Variants in CDH17 observed in about 807,000 individuals in gnomAD.
CDH17 encodes cadherin 17, also known as cadherin-17.
CDH17 carries 67 observed loss-of-function variants against 86.3 expected under a neutral mutation model. The observed-to-expected ratio is 0.78, with a 90% CI of 0.64 to 0.95. CDH17 has a LOEUF of 0.95. CDH17 is among the 40% of genes least tolerant of loss of function. The pLI is 0.00. For missense variants in CDH17, 993 were observed against 1,017.6 expected (o/e 0.98, Z 0.33); for synonymous variants, 367 against 366.4 (o/e 1.00, Z -0.02).
chr8:94,148,942 GCGT>G (rs771192264), intron 13 of CDH17, 68 bp from the exon 14 acceptor site: 196 of 1,399,612 alleles, frequency 1.4e-4, no homozygotes, highest in Non-Finnish European at 5.1e-5. Flanking sequence ...GCTAGTTTGT[GCGT>G]CAACTAAATA....
At position 94,160,176 on chromosome 8, in the gene CDH17, G is replaced by T; in HGVS notation, c.1360-14C>A. The T allele has an allele frequency of 6.3e-7, 1 of 1,592,968 alleles. No individual in the cohort carries two copies. Among genetic ancestry groups the T allele is most frequent in the South Asian group, 1.1e-5 (1 of 87,088 alleles). On this transcript the variant is annotated splice_polypyrimidine_tract_variant and intron_variant, in intron 11 of 17. Coordinates refer to ENST00000027335, the MANE Select transcript of CDH17 (RefSeq NM_004063.4). ...CAGGTTTCCATACTAAGGAGAAAAT[G>T]GAGAAGGAAACAATGAGAAGGTCTG...
chr8:94,156,251 A>G (rs1812946834), intron 12 of CDH17, among the ~76,000 whole-genome samples: 1 of 152,196 alleles, frequency 6.6e-6, no homozygotes, highest in African/African-American at 2.4e-5. Flanking sequence ...GATATTTACA[A>G]TTTTCACTAG....
At chr8:94,171,915 A>C (rs1242084470) in intron 7 of CDH17, among the ~76,000 whole-genome samples, 1 of 151,782 alleles carries the variant, frequency 6.6e-6, no homozygotes, top group Non-Finnish European at 1.5e-5. Flanking sequence ...TCTTGGTTCT[A>C]AAGTGGGCTC....
chr8:94,197,636 G>A (rs1813809683), intron 1 of CDH17, among the ~76,000 whole-genome samples: 1 of 151,960 alleles, frequency 6.6e-6, no homozygotes, highest in Non-Finnish European at 1.5e-5. Context: ...TTCGAGACAA[G>A]CCTGGTCAAC....
At chr8:94,146,416 A>C (rs979142551) in intron 14 of CDH17, among the ~76,000 whole-genome samples, 1 of 152,260 alleles carries the variant, frequency 6.6e-6, no homozygotes, top group Non-Finnish European at 1.5e-5. Context: ...AACTGAGCTC[A>C]GAAGTTGTGT....
At chr8:94,131,973 C>G (rs558013517) in intron 15 of CDH17, among the ~76,000 whole-genome samples, 182 of 152,214 alleles carry the variant, frequency 1.2e-3, no homozygotes, top group Non-Finnish European at 2.1e-3. Context: ...TGATGGTTTC[C>G]AGCTTCATCC....
At chr8:94,175,884 G>A (rs966098906) in intron 5 of CDH17, among the ~76,000 whole-genome samples, 19 of 152,118 alleles carry the variant, frequency 1.2e-4, no homozygotes, top group Non-Finnish European at 1.5e-4. Flanking sequence ...CTAGAAAAGC[G>A]TTTTTCAACT....
intron 10 of CDH17, among the ~76,000 whole-genome samples, chr8:94,163,879 C>T (rs1813105694): frequency 6.6e-6 from 1 of 152,188 alleles, no homozygotes; most frequent in Admixed American, 6.5e-5. Context: ...TGGCTCACTG[C>T]TCTGCACACA....
intron 5 of CDH17, among the ~76,000 whole-genome samples, chr8:94,175,460 G>T: frequency 6.6e-6 from 1 of 151,744 alleles, no homozygotes; most frequent in Non-Finnish European, 1.5e-5. Flanking sequence ...CTTGATGGTG[G>T]GATGATGCAA....
At chr8:94,175,940 G>C (rs954298225) in intron 5 of CDH17, among the ~76,000 whole-genome samples, 1 of 152,132 alleles carries the variant, frequency 6.6e-6, no homozygotes, top group Admixed American at 6.5e-5. Flanking sequence ...CCCAGACCGA[G>C]TGCAATAGTG....
At chr8:94,175,692 G>A (rs988456368) in intron 5 of CDH17, among the ~76,000 whole-genome samples, 1 of 152,026 alleles carries the variant, frequency 6.6e-6, no homozygotes, top group Non-Finnish European at 1.5e-5. Flanking sequence ...GGGCTTTTGT[G>A]GAAGTGAAAG....
Position 94,149,560 on chromosome 8 carries a change from CAAG to C in CDH17, c.1797-689_1797-687del, listed in dbSNP as rs144155147. ...TTTCTGAAGTAGTAGATGTTTAAGG[CAAG>C]AAGAAGACGCTTCAAGTAGAAGGAA... On this transcript the variant is annotated intron_variant, in intron 13 of 17. Coordinates refer to ENST00000027335, the MANE Select transcript of CDH17 (RefSeq NM_004063.4). 7.9e-3 allele frequency among the ~76,000 whole-genome samples: 1,200 copies of C among 152,136 alleles called. 15 individuals are homozygous for C. Among genetic ancestry groups the C allele is most frequent in the African/African-American group, 0.025 (1,042 of 41,496 alleles).
intron 8 of CDH17, 38 bp from the exon 9 acceptor site, chr8:94,170,585 C>T: frequency 6.3e-7 from 1 of 1,597,300 alleles, no homozygotes; most frequent in South Asian, 1.1e-5. Context: ...AAGACTCACC[C>T]ACCACCCTCT....
At chr8:94,170,180 G>C (rs991807627) in intron 9 of CDH17, among the ~76,000 whole-genome samples, 1 of 152,090 alleles carries the variant, frequency 6.6e-6, no homozygotes, top group South Asian at 2.1e-4. Context: ...TGGTAGTAGC[G>C]GTAATGGTAG....
At position 94,165,810 on chromosome 8, in the gene CDH17, C is replaced by T. The variant is rs1252670752; in HGVS notation, c.1233G>A (p.Lys411=). 1 of 1,613,978 alleles carries T rather than the reference C, an allele frequency of 6.2e-7. No homozygotes were observed. The highest frequency in any genetic ancestry group is 1.1e-5 in the South Asian group (1 of 91,084). The change falls in exon 10 of 18, where the codon AAG becomes AAA. Residue 411 remains lysine, a synonymous_variant. Transcript: ENST00000027335. The part of the protein sequence containing the change: ...GMLQLAKQSL[K]KQDTPQYNLT... The stretch of plus-strand genomic sequence containing the variant: ...AGTTGTACTGAGGAGTATCTTGCTT[C>T]TTCAAGGACTGTTTAGCTAACTGTA...
intron 15 of CDH17, among the ~76,000 whole-genome samples, chr8:94,131,365 A>C (rs898191657): frequency 6.6e-6 from 1 of 152,202 alleles, no homozygotes; most frequent in African/African-American, 2.4e-5. Context: ...CCAACTGATC[A>C]ATACATAACC....
At position 94,170,469 on chromosome 8, in the gene CDH17, C is replaced by A. The variant is rs1230002025; in HGVS notation, c.994G>T (p.Asp332Tyr). ...YPLEIHVKVK[D>Y]INDNPPTCPS... is the part of the protein sequence containing the mutation. ...CATGTAGGTGGATTATCATTAATAT[C>A]TTTAACTTTTACATGAATTTCCAGC... is the stretch of plus-strand genomic sequence containing the variant. The change falls in exon 9 of 18, where the codon GAT (aspartate) becomes TAT (tyrosine). Residue 332 changes from aspartate to tyrosine, a missense_variant. Physicochemically the swap from Asp to Tyr is radical, Grantham distance 160 (BLOSUM62 -3). Transcript: ENST00000027335. The A allele has an allele frequency of 3.7e-6, 6 of 1,613,000 alleles. No individual in the cohort carries two copies. The highest frequency in any genetic ancestry group is 1.3e-5 in the African/African-American group (1 of 74,868).
intron 8 of CDH17, 40 bp from the exon 9 acceptor site, chr8:94,170,587 C>T (rs776549984): frequency 1.8e-5 from 28 of 1,595,080 alleles, no homozygotes; most frequent in Non-Finnish European, 2.4e-5. Flanking sequence ...GACTCACCCA[C>T]CACCCTCTGT....
chr8:94,168,106 ATATATATATATATATATATAT>A (rs1813193032), intron 9 of CDH17, among the ~76,000 whole-genome samples: 1 of 7,482 alleles, frequency 1.3e-4, no homozygotes, highest in Non-Finnish European at 3.4e-4. Context: ...GAATATATAT[ATATATATATATATATATATAT>A]ATATATATAT....
Sources: gnomAD v4.1 joint callset for allele counts (sites outside exome capture counted in the v4.1 genomes callset) on GRCh38, gnomAD v4.1.1 for gene constraint, MANE v1.5 for transcripts, NCBI Gene and HGNC (gene_info 2026-07-23, HGNC 2026-07-21) for gene names.